Variants in ZHX2 observed in about 807,000 individuals in gnomAD.
ZHX2 encodes the protein zinc fingers and homeoboxes 2.
In ZHX2, 6 loss-of-function variants were observed where a neutral mutation model predicts 21.9. The ratio of observed to expected loss-of-function variants is 0.27; its 90% confidence interval spans 0.15 to 0.54. The LOEUF is 0.54. ZHX2 is among the 20% of genes least tolerant of loss of function. ZHX2 has a pLI of 0.95. For missense variants in ZHX2, 908 were observed against 1,090.7 expected (o/e 0.83, Z 2.36); for synonymous variants, 434 against 437.1 (o/e 0.99, Z 0.09).
chr8:122,952,962 G>A lies in ZHX2; in HGVS notation c.1452G>A (p.Lys484=). Residue 484 remains lysine, a synonymous_variant, in exon 3 of 4, where the codon AAG becomes AAA. Coordinates refer to ENST00000314393, the MANE Select transcript of ZHX2 (RefSeq NM_014943.5). This position sits in a 1 kb window ranked among gnomAD's most constrained non-coding sequence, Gnocchi z 6.9. ...EVTGLARSEI[K]KWFSDHRYRC... The stretch of plus-strand genomic sequence containing the variant: ...CTGGCCTTGCCAGGAGCGAGATCAA[G>A]AAGTGGTTCAGTGACCACCGATATC... 1 of 1,613,992 alleles carries A rather than the reference G, an allele frequency of 6.2e-7. No individual in the cohort carries two copies. Among genetic ancestry groups the A allele is most frequent in the Non-Finnish European group, 8.5e-7 (1 of 1,180,016 alleles).
chr8:122,868,785 A>G (rs1000357096), intron 2 of ZHX2, among the ~76,000 whole-genome samples: 3 of 152,078 alleles, frequency 2.0e-5, no homozygotes, highest in African/African-American at 7.2e-5. Flanking sequence ...GCATGAGACA[A>G]GAAGATCAAG....
intron 2 of ZHX2, among the ~76,000 whole-genome samples, chr8:122,880,006 TC>T (rs1416253994): frequency 6.9e-6 from 1 of 144,496 alleles, no homozygotes; most frequent in Admixed American, 7.3e-5. Flanking sequence ...GGAGCCTCGC[TC>T]TGTTGTCCAG....
intron 2 of ZHX2, among the ~76,000 whole-genome samples, chr8:122,937,943 T>TTTTTG (rs1442158152): frequency 7.9e-6 from 1 of 125,790 alleles, no homozygotes; most frequent in African/African-American, 3.0e-5. Context: ...GTTTTTTTTT[T>TTTTTG]TTTTTTTTTT....
chr8:122,785,419 A>G (rs780682061), intron 1 of ZHX2, among the ~76,000 whole-genome samples: 10 of 152,198 alleles, frequency 6.6e-5, no homozygotes, highest in Non-Finnish European at 1.3e-4. Flanking sequence ...TTATCATCTC[A>G]TGGTAGGAAA....
At chr8:122,851,032 T>A (rs904034514) in intron 1 of ZHX2, among the ~76,000 whole-genome samples, 2 of 152,134 alleles carry the variant, frequency 1.3e-5, no homozygotes, top group African/African-American at 4.8e-5. Flanking sequence ...GCTATCATTG[T>A]GGTCTTCTCC....
At chr8:122,802,343 G>A (rs1362649421) in intron 1 of ZHX2, among the ~76,000 whole-genome samples, 2 of 152,196 alleles carry the variant, frequency 1.3e-5, no homozygotes, top group Admixed American at 6.5e-5. Context: ...GGTTAGAGGC[G>A]TGAGCCACCA....
At chr8:122,958,735 C>T (rs956439199) in intron 3 of ZHX2, among the ~76,000 whole-genome samples, 2 of 152,216 alleles carry the variant, frequency 1.3e-5, no homozygotes, top group African/African-American at 4.8e-5. Flanking sequence ...ACAGTGGCAC[C>T]ACCAGCATAG....
chr8:122,845,013 C>T (rs1660247763), intron 1 of ZHX2, among the ~76,000 whole-genome samples: 1 of 152,208 alleles, frequency 6.6e-6, no homozygotes, highest in South Asian at 2.1e-4. Flanking sequence ...TGATTTTCCA[C>T]AAATAAACAC....
intron 1 of ZHX2, among the ~76,000 whole-genome samples, chr8:122,840,636 T>A (rs1818602763): frequency 6.6e-6 from 1 of 152,212 alleles, no homozygotes; most frequent in Admixed American, 6.5e-5. Context: ...CAGTGCATAC[T>A]CAATAAATAA....
At chr8:122,889,077 C>T (rs1819914522) in intron 2 of ZHX2, among the ~76,000 whole-genome samples, 1 of 152,180 alleles carries the variant, frequency 6.6e-6, no homozygotes, top group East Asian at 1.9e-4. Context: ...AGATTTCATT[C>T]TTTTTCACGA....
intron 2 of ZHX2, among the ~76,000 whole-genome samples, chr8:122,864,869 C>T (rs185067447): frequency 3.9e-5 from 6 of 152,188 alleles, no homozygotes; most frequent in Non-Finnish European, 7.3e-5. Flanking sequence ...AATGAGCACA[C>T]GGGTTCCTTT....
At chr8:122,890,122 GT>G (rs199597879) in intron 2 of ZHX2, among the ~76,000 whole-genome samples, 1,724 of 152,188 alleles carry the variant, frequency 0.011, 5 homozygotes, top group Non-Finnish European at 0.018. Context: ...TCCACTTTGA[GT>G]TGATTTTTAT....
At chr8:122,877,506 A>G (rs1819598719) in intron 2 of ZHX2, among the ~76,000 whole-genome samples, 1 of 152,210 alleles carries the variant, frequency 6.6e-6, no homozygotes, top group African/African-American at 2.4e-5. Flanking sequence ...CTTGCAAATG[A>G]GGAAACTGAG....
chr8:122,904,047 G>C (rs1186563381), intron 2 of ZHX2, among the ~76,000 whole-genome samples: 1 of 152,148 alleles, frequency 6.6e-6, no homozygotes, highest in Non-Finnish European at 1.5e-5. Context: ...TGACGTGGTG[G>C]TGAGTTCTCT....
chr8:122,879,112 TC>T (rs1433098712), intron 2 of ZHX2, among the ~76,000 whole-genome samples: 1 of 152,234 alleles, frequency 6.6e-6, no homozygotes, highest in Non-Finnish European at 1.5e-5. Flanking sequence ...CTCGTGCCTC[TC>T]GGCAGAATCT....
chr8:122,825,674 G>A (rs1818248803), intron 1 of ZHX2, among the ~76,000 whole-genome samples: 2 of 152,116 alleles, frequency 1.3e-5, no homozygotes. Context: ...AGAAGTGCAT[G>A]GTTTTTGGCA....
At chr8:122,887,381 G>A (rs1171167421) in intron 2 of ZHX2, among the ~76,000 whole-genome samples, 1 of 151,890 alleles carries the variant, frequency 6.6e-6, no homozygotes, top group African/African-American at 2.4e-5. Context: ...AGCCGGGTGT[G>A]GTGGCAGGCG....
At chr8:122,803,403 A>T (rs1011329830) in intron 1 of ZHX2, among the ~76,000 whole-genome samples, 4 of 152,130 alleles carry the variant, frequency 2.6e-5, no homozygotes, top group Non-Finnish European at 5.9e-5. Context: ...CATCTCCACC[A>T]AGACGCCTTC....
At chr8:122,816,753 G>A (rs1167948593) in intron 1 of ZHX2, among the ~76,000 whole-genome samples, 1 of 152,102 alleles carries the variant, frequency 6.6e-6, no homozygotes, top group Non-Finnish European at 1.5e-5. Flanking sequence ...TCATTTTAGA[G>A]ATGAGGAAAC....
Sources: gnomAD v4.1 joint callset for allele counts (sites outside exome capture counted in the v4.1 genomes callset) on GRCh38, gnomAD v4.1.1 for gene constraint, Gnocchi (gnomAD v3.1) non-coding constraint, MANE v1.5 for transcripts, NCBI Gene and HGNC (gene_info 2026-07-23, HGNC 2026-07-21) for gene names.